The following GATA1 variants were observed in gnomAD, a reference collection of about 807,000 sequenced individuals.
The protein encoded by GATA1 is erythroid transcription factor.
A neutral mutation model predicts 18.9 loss-of-function variants in GATA1; 2 were observed. That is an observed-to-expected ratio of 0.11 (90% CI 0.04 to 0.33). The LOEUF (loss-of-function observed/expected upper bound fraction) is 0.33, where lower values mean the gene tolerates loss of function less well. Ranked by LOEUF, GATA1 falls within the 10% of genes least tolerant of loss-of-function variation. The pLI, the probability that GATA1 is intolerant of heterozygous loss-of-function variation, is 1.00. For synonymous variants in GATA1, 152 were observed against 149.1 expected (o/e 1.02, Z -0.14); for missense variants, 272 against 344.7 (o/e 0.79, Z 1.67).
At position 48,791,141 on chromosome X, in the gene GATA1, C is replaced by T; in HGVS notation, c.32C>T (p.Thr11Ile). 1 of 1,208,940 alleles carries T rather than the reference C, an allele frequency of 8.3e-7. No homozygotes were observed. Among genetic ancestry groups the T allele is most frequent in the Non-Finnish European group, 1.1e-6 (1 of 893,957 alleles). The change falls in exon 2 of 6, where the codon ACC becomes ATC. Residue 11 changes from threonine to isoleucine, a missense_variant. Around this residue, in one of 3 missense-constraint regions of GATA1, gnomAD observed 147 missense variants for 157.4 expected, o/e 0.93. Transcript: ENST00000376670. Reference sequence around the variant, plus strand: ...TTCCCTGGCCTGGGGTCCCTGGGGACCTCAGAGCCCCTCCCCCAGTTTGTG... The same window carrying T: ...TTCCCTGGCCTGGGGTCCCTGGGGATCTCAGAGCCCCTCCCCCAGTTTGTG... MEFPGLGSLG[T>I]SEPLPQFVDP...
chrX:48,791,953 T>C lies in GATA1; in HGVS notation c.330T>C (p.Cys110=). ...KTGLYPASTV[C]PTREDSPPQA... ...GGCTCTACCCTGCCTCAACTGTGTG[T>C]CCCACCCGCGAGGACTCTCCTCCCC... The change falls in exon 3 of 6, where the codon TGT becomes TGC. Residue 110 remains cysteine, a synonymous_variant. Transcript: ENST00000376670. 12 of 1,211,488 alleles carry C rather than the reference T, an allele frequency of 9.9e-6. No individual in the cohort carries two copies. The highest frequency in any genetic ancestry group is 1.3e-5 in the Non-Finnish European group (12 of 895,399).
At chrX:48,791,760 G>A in intron 2 of GATA1, 84 bp from the exon 3 acceptor site, 1 of 1,103,909 alleles carries the variant, frequency 9.1e-7, no homozygotes, top group Non-Finnish European at 1.2e-6. Flanking sequence ...TGTTGGGGGT[G>A]CTGGGAACCA....
chrX:48,789,741 C>T (rs900525956), intron 1 of GATA1, among the ~76,000 whole-genome samples: 4 of 110,915 alleles, frequency 3.6e-5, no homozygotes, highest in Non-Finnish European at 7.6e-5. Context: ...TGACCCCCCC[C>T]CAACCAAGAA....
chrX:48,793,105 CCT>C lies in GATA1; in HGVS notation c.745-66_745-65del, dbSNP rs1347795958. 6.9e-6 allele frequency: 8 copies of C among 1,158,742 alleles called. No individual in the cohort carries two copies. In the African/African-American group the frequency reaches 9.0e-5, roughly 13 times the overall value. The stretch of plus-strand genomic sequence containing the variant: ...CACTTCTTGGGTCCTCCTGACATCC[CCT>C]GTGAGCCCCTTACCCCCACTTCCAC... On this transcript the variant is annotated intron_variant, in intron 4 of 5. Coordinates refer to ENST00000376670, the MANE Select transcript of GATA1 (RefSeq NM_002049.4).
chrX:48,792,387 C>G lies in GATA1; in HGVS notation c.663C>G (p.Gly221=), dbSNP rs782282009. 19 of 1,209,986 alleles carry G rather than the reference C, an allele frequency of 1.6e-5. No homozygotes were observed. The South Asian group carries it at 3.0e-4, about 19-fold the overall frequency. The change falls in exon 4 of 6, where the codon GGC becomes GGG. Residue 221 remains glycine (G), a synonymous_variant. Transcript: ENST00000376670. ...ATPLWRRDRT[G]HYLCNACGLY... is the part of the protein sequence containing the mutation. ...CACTGTGGCGGAGGGACAGGACAGGCCACTACCTATGCAACGCCTGCGGCC... is the reference window on the plus strand; with the variant it reads ...CACTGTGGCGGAGGGACAGGACAGGGCACTACCTATGCAACGCCTGCGGCC...
intron 1 of GATA1, among the ~76,000 whole-genome samples, chrX:48,787,581 T>A (rs1557019400): frequency 9.0e-6 from 1 of 110,931 alleles, no homozygotes; most frequent in Non-Finnish European, 1.9e-5. Context: ...TCAACTTTAT[T>A]TCTGACTCTC....
Position 48,791,825 on chromosome X carries a change from C to G in GATA1, c.221-19C>G. 1 of 1,210,610 alleles carries G rather than the reference C, an allele frequency of 8.3e-7. No homozygotes were observed. Among genetic ancestry groups the G allele is most frequent in the Admixed American group, 2.2e-5 (1 of 46,072 alleles). On this transcript the variant is annotated intron_variant, in intron 2 of 5. Transcript: ENST00000376670. ...TGATTTTGCCTCTTCTTTCCTCCATCCCTACCTGCCCCCAACAGTCTTTCA... is the reference window on the plus strand; with the variant it reads ...TGATTTTGCCTCTTCTTTCCTCCATGCCTACCTGCCCCCAACAGTCTTTCA...
chrX:48,793,381 C>G, intron 5 of GATA1, 84 bp downstream of exon 5: 1 of 1,002,388 alleles, frequency 1.0e-6, no homozygotes, highest in East Asian at 3.1e-5. Context: ...TGTTCTACCT[C>G]TCTCTTCCCC....
Position 48,793,989 on chromosome X carries a change from G to T in GATA1, c.1067G>T (p.Gly356Val), listed in dbSNP as rs202091014. Residue 356 changes from glycine to valine, a missense_variant, in exon 6 of 6, where the codon GGC (glycine) becomes GTC (valine). Gly to Val is a moderately radical substitution (Grantham distance 109, BLOSUM62 -3). Around this residue, in one of 3 missense-constraint regions of GATA1, gnomAD observed 83 missense variants for 84.2 expected, o/e 0.99. Coordinates refer to ENST00000376670, the MANE Select transcript of GATA1 (RefSeq NM_002049.4). Reference protein sequence around the residue: ...CGEVASGLTLGPPGTAHLYQG... With the variant: ...CGEVASGLTLVPPGTAHLYQG... ...GAGGTGGCTTCAGGCCTGACACTGGGCCCCCCAGGTACTGCCCATCTCTAC... is the reference window on the plus strand; with the variant it reads ...GAGGTGGCTTCAGGCCTGACACTGGTCCCCCCAGGTACTGCCCATCTCTAC... 3.3e-6 allele frequency: 4 copies of T among 1,207,247 alleles called. No individual in the cohort carries two copies. In the Admixed American group the frequency reaches 6.6e-5, roughly 20 times the overall value.
Position 48,792,131 on chromosome X carries a change from A to G in GATA1, c.508A>G (p.Ser170Gly). Residue 170 changes from serine (S) to glycine (G), a missense_variant, in exon 3 of 6, where the codon AGT becomes GGT. By Grantham distance (56) the Ser-to-Gly change is moderately conservative. Around this residue, in one of 3 missense-constraint regions of GATA1, gnomAD observed 147 missense variants for 157.4 expected, o/e 0.93. Transcript: ENST00000376670. ...TGCTTATGGGGGCCCTGACTTTTCC[A>G]GTACCTTCTTTTCTCCCACCGGGAG... ...NSAYGGPDFSSTFFSPTGSPL... is the reference protein window; with the variant it reads ...NSAYGGPDFSGTFFSPTGSPL... The G allele has an allele frequency of 8.3e-7, 1 of 1,210,993 alleles. No homozygotes were observed. The highest frequency in any genetic ancestry group is 1.7e-5 in the African/African-American group (1 of 57,668).
chrX:48,790,727 AAG>A (rs369920375), intron 1 of GATA1, among the ~76,000 whole-genome samples: 86 of 101,443 alleles, frequency 8.5e-4, no homozygotes, highest in African/African-American at 3.0e-3. Context: ...AGGGGGGAAG[AAG>A]AGAGAGAATG....
intron 4 of GATA1, 58 bp from the exon 5 acceptor site, chrX:48,793,114 C>T (rs1297936660): frequency 5.9e-6 from 7 of 1,187,187 alleles, no homozygotes; most frequent in Non-Finnish European, 8.0e-6. Flanking sequence ...CCCTGTGAGC[C>T]CCTTACCCCC....
intron 4 of GATA1, 46 bp from the exon 5 acceptor site, chrX:48,793,126 C>T: frequency 8.3e-7 from 1 of 1,206,637 alleles, no homozygotes; most frequent in Non-Finnish European, 1.1e-6. Flanking sequence ...CTTACCCCCA[C>T]TTCCACATCC....
At chrX:48,790,631 G>C (rs1191196326) in intron 1 of GATA1, among the ~76,000 whole-genome samples, 2 of 104,487 alleles carry the variant, frequency 1.9e-5, no homozygotes, top group African/African-American at 7.0e-5. Context: ...AATGAGAAAA[G>C]AGTGGAAAGA....
chrX:48,792,725 G>T (rs889333178), intron 4 of GATA1, among the ~76,000 whole-genome samples: 5 of 111,130 alleles, frequency 4.5e-5, no homozygotes, highest in Non-Finnish European at 9.4e-5. Flanking sequence ...TCCTTGTACA[G>T]GAACCCAGAT....
intron 5 of GATA1, among the ~76,000 whole-genome samples, chrX:48,793,581 T>C (rs1225363365): frequency 9.4e-6 from 1 of 106,897 alleles, no homozygotes; most frequent in Non-Finnish European, 1.9e-5. Flanking sequence ...CATCAGCTAA[T>C]GTCCAACCCC....
chrX:48,790,035 G>A (rs1367015149), intron 1 of GATA1, among the ~76,000 whole-genome samples: 5 of 108,896 alleles, frequency 4.6e-5, no homozygotes, highest in Non-Finnish European at 7.7e-5. Context: ...GGAAGTGGAG[G>A]AGGGGAGGAG....
rs781868016 is a variant in GATA1, at chrX:48,794,101, C to T, written c.1179C>T (p.Ser393=). The part of the protein sequence containing the change: ...PGPLLGSPTG[S]FPTGPMPPTT... Reference sequence around the variant, plus strand: ...CCCTACTGGGCTCACCCACGGGCTCCTTCCCCACAGGCCCCATGCCCCCCA... The same window carrying T: ...CCCTACTGGGCTCACCCACGGGCTCTTTCCCCACAGGCCCCATGCCCCCCA... Residue 393 remains serine (S), a synonymous_variant, in exon 6 of 6, where the codon TCC becomes TCT. Coordinates refer to ENST00000376670, the MANE Select transcript of GATA1 (RefSeq NM_002049.4). 7.5e-6 allele frequency: 9 copies of T among 1,195,904 alleles called. No homozygotes were observed. In the South Asian group the frequency reaches 1.5e-4, roughly 20 times the overall value.
chrX:48,790,268 C>T (rs1398826333), intron 1 of GATA1, among the ~76,000 whole-genome samples: 1 of 108,473 alleles, frequency 9.2e-6, no homozygotes, highest in East Asian at 2.9e-4. Flanking sequence ...GCCTGGGCAA[C>T]AGAGTCATAC....
Sources: allele counts gnomAD v4.1 joint callset (sites outside exome capture counted in the v4.1 genomes callset), GRCh38; gene constraint gnomAD v4.1.1; regional missense constraint gnomAD v4.1.1; transcripts MANE v1.5; gene names NCBI Gene and HGNC (gene_info 2026-07-23, HGNC 2026-07-21).